UHRF2: variants seen among roughly 807,000 people sequenced by gnomAD.
UHRF2 encodes the protein E3 ubiquitin-protein ligase UHRF2.
UHRF2 carries 23 observed loss-of-function variants against 96.8 expected under a neutral mutation model. That is an observed-to-expected ratio of 0.24 (90% CI 0.17 to 0.34). The LOEUF (loss-of-function observed/expected upper bound fraction) is 0.34. Ranked by LOEUF, UHRF2 falls within the 10% of genes least tolerant of loss-of-function variation. The pLI, the probability that UHRF2 is intolerant of heterozygous loss-of-function variation, is 1.00. For synonymous variants in UHRF2, 385 were observed against 332.6 expected, an observed-to-expected ratio of 1.16 and a Z score of -1.72; for missense variants, 685 against 981.5, an observed-to-expected ratio of 0.70 and a Z score of 4.04.
intron 2 of UHRF2, 48 bp from the exon 3 acceptor site, chr9:6,433,866 G>A (rs778523861): frequency 2.4e-5 from 37 of 1,568,656 alleles, no homozygotes; most frequent in Non-Finnish European, 2.6e-6. Flanking sequence ...GGTTTTTGAA[G>A]CAGTAGACAA....
At chr9:6,468,730 C>T (rs1373822740) in intron 4 of UHRF2, 1 of 455,258 alleles carries the variant, frequency 2.2e-6, no homozygotes, top group Non-Finnish European at 4.4e-6. Context: ...TTTCAGCAGT[C>T]TTAGAAGGCA....
At chr9:6,496,657 A>G (rs1824990335) in intron 10 of UHRF2, 1 of 152,294 alleles carries the variant, frequency 6.6e-6, no homozygotes, top group African/African-American at 2.4e-5. Context: ...CCTTTAAAGA[A>G]CATTCTCATA....
intron 1 of UHRF2, chr9:6,415,401 A>G (rs1382145775): frequency 6.6e-6 from 1 of 152,290 alleles, no homozygotes; most frequent in African/African-American, 2.4e-5. Context: ...ACTTGGAAAC[A>G]GAAAAGGAAG....
chr9:6,452,341 G>C (rs888800173), intron 3 of UHRF2, among the ~76,000 whole-genome samples: 1 of 152,214 alleles, frequency 6.6e-6, no homozygotes, highest in African/African-American at 2.4e-5. Context: ...CAAATGTATA[G>C]ACAGTGTTTC....
intron 2 of UHRF2, chr9:6,423,065 T>G (rs1298500710): frequency 1.9e-5 from 3 of 159,508 alleles, no homozygotes; most frequent in African/African-American, 7.2e-5. Flanking sequence ...CTATACTGTT[T>G]TTCAAAGCAT....
At chr9:6,418,595 A>G (rs1467997611) in intron 1 of UHRF2, among the ~76,000 whole-genome samples, 1 of 152,188 alleles carries the variant, frequency 6.6e-6, no homozygotes, top group Admixed American at 6.5e-5. Flanking sequence ...ATATGATGTT[A>G]CTGTGTTAGA....
chr9:6,451,930 A>G (rs545890432), intron 3 of UHRF2, among the ~76,000 whole-genome samples: 55 of 152,156 alleles, frequency 3.6e-4, no homozygotes, highest in South Asian at 1.2e-3. Context: ...TTAAGTAACA[A>G]TGTTAGTTTG....
chr9:6,479,369 G>A (rs1823786339), intron 6 of UHRF2, among the ~76,000 whole-genome samples: 1 of 151,998 alleles, frequency 6.6e-6, no homozygotes, highest in Non-Finnish European at 1.5e-5. Context: ...TTTGAGATCA[G>A]GTAATCCCGA....
chr9:6,442,562 T>C (rs1038721399), intron 3 of UHRF2, among the ~76,000 whole-genome samples: 1 of 152,128 alleles, frequency 6.6e-6, no homozygotes, highest in African/African-American at 2.4e-5. Flanking sequence ...CACTGCAGCC[T>C]CGACTTTCTG....
rs1825185552 is a variant in UHRF2 at position 6,499,934 on chromosome 9, A to AG, written c.2005+5dup. 1.9e-6 allele frequency: 3 copies of AG among 1,602,402 alleles called. No individual in the cohort carries two copies. Among genetic ancestry groups the AG allele is most frequent in the East Asian group, 4.5e-5 (2 of 44,532 alleles). ...CACAAAAAGGCCAATTTCAGATGGT[A>AG]GGTAATGATTGCAAAATATAAATAA... On this transcript the variant is annotated splice_donor_region_variant and intron_variant, in intron 13 of 15. Transcript: ENST00000276893.
intron 1 of UHRF2, among the ~76,000 whole-genome samples, chr9:6,414,619 C>T (rs1013024420): frequency 3.9e-5 from 6 of 152,158 alleles, no homozygotes; most frequent in Non-Finnish European, 7.3e-5. Context: ...AAGTTGGCAT[C>T]CTGAGTTGAT....
intron 11 of UHRF2, 98 bp downstream of exon 11, chr9:6,497,458 T>C: frequency 7.5e-7 from 1 of 1,339,750 alleles, no homozygotes; most frequent in Non-Finnish European, 1.0e-6. Context: ...GAGGAAACAG[T>C]AGCCATCTTA....
intron 5 of UHRF2, 47 bp from the exon 6 acceptor site, chr9:6,477,574 AT>A (rs767368562): frequency 6.7e-7 from 1 of 1,501,708 alleles, no homozygotes; most frequent in South Asian, 1.3e-5. Context: ...ATTCATAGAT[AT>A]AAAAAATGTT....
At chr9:6,434,271 A>C in intron 3 of UHRF2, 98 bp downstream of exon 3, 2 of 1,393,108 alleles carry the variant, frequency 1.4e-6, no homozygotes, top group Non-Finnish European at 1.9e-6. Context: ...TTCTGAAGAA[A>C]TCCTTTAGAG....
intron 3 of UHRF2, among the ~76,000 whole-genome samples, chr9:6,458,143 T>C (rs990382940): frequency 6.6e-6 from 1 of 152,158 alleles, no homozygotes; most frequent in African/African-American, 2.4e-5. Flanking sequence ...AGTCCTAGGC[T>C]TTTTTTGGTT....
chr9:6,435,367 C>T (rs758731954), intron 3 of UHRF2, among the ~76,000 whole-genome samples: 1 of 152,188 alleles, frequency 6.6e-6, no homozygotes, highest in Non-Finnish European at 1.5e-5. Flanking sequence ...CTCAAGTGAT[C>T]CTCCCACCTC....
intron 2 of UHRF2, among the ~76,000 whole-genome samples, chr9:6,425,773 TA>T (rs35091432): frequency 0.96 from 143,633 of 150,038 alleles, 68,758 homozygotes; most frequent in East Asian, 0.99. Flanking sequence ...GTAAATAAAT[TA>T]AAAAAAAAAA....
chr9:6,481,894 TA>T (rs1402312640), intron 7 of UHRF2, 97 bp from the exon 8 acceptor site: 1 of 1,534,722 alleles, frequency 6.5e-7, no homozygotes, highest in Non-Finnish European at 8.8e-7. Flanking sequence ...GTACTTAAAT[TA>T]CATAAACAGT....
intron 4 of UHRF2, among the ~76,000 whole-genome samples, chr9:6,470,072 A>T (rs1398997300): frequency 6.6e-6 from 1 of 152,162 alleles, no homozygotes; most frequent in Non-Finnish European, 1.5e-5. Context: ...TGAAAATACT[A>T]ATTTAAAAAC....
Sources: allele counts gnomAD v4.1 joint callset (sites outside exome capture counted in the v4.1 genomes callset), GRCh38; gene constraint gnomAD v4.1.1; transcripts MANE v1.5; gene names NCBI Gene and HGNC (gene_info 2026-07-23, HGNC 2026-07-21).